The following SEMA3A variants were observed in gnomAD, a reference collection of about 807,000 sequenced individuals.
The protein encoded by SEMA3A is semaphorin-3A.
Under a neutral mutation model 97.9 loss-of-function variants are expected in SEMA3A, and 29 were observed. That is an observed-to-expected ratio of 0.30 (90% confidence interval 0.22 to 0.40). The LOEUF (loss-of-function observed/expected upper bound fraction) is 0.40. Among genes scored for constraint, SEMA3A ranks in the 10% least tolerant of loss-of-function variants. SEMA3A has a pLI of 1.00. For missense variants in SEMA3A, 763 were observed against 951.3 expected, an observed-to-expected ratio of 0.80 and a Z score of 2.60; for synonymous variants, 321 against 323.7, an observed-to-expected ratio of 0.99 and a Z score of 0.09.
chr7:84,010,970 A>T, intron 9 of SEMA3A, 52 bp downstream of exon 9: 2 of 1,344,092 alleles, frequency 1.5e-6, no homozygotes, highest in South Asian at 1.3e-5. Flanking sequence ...GAGTACTTGG[A>T]TAGCACCTAA....
At chr7:84,106,139 A>C (rs1004644032) in intron 4 of SEMA3A, among the ~76,000 whole-genome samples, 20 of 152,276 alleles carry the variant, frequency 1.3e-4, no homozygotes, top group Admixed American at 7.2e-4. Flanking sequence ...GGAATACGCT[A>C]TTCAGGAGTG....
At chr7:84,411,965 T>G (rs1251203385) in intron 1 of SEMA3A, among the ~76,000 whole-genome samples, 1 of 152,140 alleles carries the variant, frequency 6.6e-6, no homozygotes, top group Non-Finnish European at 1.5e-5. Context: ...GATTCAAATG[T>G]GCACTTATTT....
intron 12 of SEMA3A, among the ~76,000 whole-genome samples, chr7:83,997,606 A>G (rs1216630687): frequency 1.3e-5 from 2 of 152,206 alleles, no homozygotes; most frequent in Non-Finnish European, 1.5e-5. Flanking sequence ...GAGAACTGAA[A>G]TAGTTTTCTA....
intron 4 of SEMA3A, among the ~76,000 whole-genome samples, chr7:84,083,004 T>C (rs1794211210): frequency 6.6e-6 from 1 of 151,856 alleles, no homozygotes; most frequent in Non-Finnish European, 1.5e-5. Flanking sequence ...ATTTGAGTCA[T>C]TGGACATTTG....
chr7:84,152,889 T>C (rs74937330), intron 1 of SEMA3A, among the ~76,000 whole-genome samples: 2,549 of 152,208 alleles, frequency 0.017, 77 homozygotes, highest in African/African-American at 0.059. Context: ...GTAAAAAAGT[T>C]GTAAAAACTA....
At chr7:84,222,855 T>A (rs1798910272) in intron 3 of SEMA3A, among the ~76,000 whole-genome samples, 1 of 151,854 alleles carries the variant, frequency 6.6e-6, no homozygotes, top group Non-Finnish European at 1.5e-5. Flanking sequence ...AGGGAAGCTT[T>A]TGCAAAATAC....
chr7:84,410,132 A>T (rs1226668018), intron 1 of SEMA3A, among the ~76,000 whole-genome samples: 3 of 152,102 alleles, frequency 2.0e-5, no homozygotes, highest in Non-Finnish European at 2.9e-5. Context: ...TATAAGAATC[A>T]ACAAAAGTAA....
At chr7:84,055,352 C>T (rs543270953) in intron 5 of SEMA3A, among the ~76,000 whole-genome samples, 3 of 152,270 alleles carry the variant, frequency 2.0e-5, no homozygotes, top group African/African-American at 4.8e-5. Context: ...TAGCAATCAG[C>T]GAGACTCCGT....
intron 15 of SEMA3A, among the ~76,000 whole-genome samples, chr7:83,975,484 G>A (rs971040701): frequency 1.6e-4 from 25 of 152,014 alleles, no homozygotes; most frequent in African/African-American, 5.8e-4. Flanking sequence ...AAATCAAAAA[G>A]TGCTATTAGT....
In SEMA3A at chr7:84,437,796, C is replaced by A. The variant is rs914544979; in HGVS notation, c.-246+54664G>T. On this transcript the variant is annotated intron_variant, in intron 1 of 3. Coordinates refer to the SEMA3A transcript ENST00000424555. The stretch of plus-strand genomic sequence containing the variant: ...CAGAAAACTGTAATATGTAAATCTT[C>A]CAAAATATTTGCCATAATCAGTAGT... Among the ~76,000 whole-genome samples the A allele has an allele frequency of 2.0e-5, 3 of 151,766 alleles. No homozygotes were observed. In the South Asian group the frequency reaches 6.2e-4, roughly 31 times the overall value.
At chr7:84,057,669 G>A (rs1044917566) in intron 5 of SEMA3A, among the ~76,000 whole-genome samples, 2 of 151,948 alleles carry the variant, frequency 1.3e-5, no homozygotes, top group Non-Finnish European at 2.9e-5. Flanking sequence ...GGAGGCTGAG[G>A]TAGGAGAATT....
chr7:84,201,087 TAAGCAATA>T (rs1487132857), intron 3 of SEMA3A, among the ~76,000 whole-genome samples: 8 of 152,056 alleles, frequency 5.3e-5, no homozygotes, highest in Non-Finnish European at 1.0e-4. Flanking sequence ...GTGAAGAGAC[TAAGCAATA>T]TGGTTTAAAG....
intron 1 of SEMA3A, among the ~76,000 whole-genome samples, chr7:84,442,357 G>T (rs948804127): frequency 1.3e-5 from 2 of 152,026 alleles, no homozygotes; most frequent in South Asian, 4.1e-4. Context: ...TAAATAAGCA[G>T]AGAGTTTGTA....
chr7:84,230,497 C>T (rs1799093586), intron 3 of SEMA3A, among the ~76,000 whole-genome samples: 1 of 151,972 alleles, frequency 6.6e-6, no homozygotes, highest in South Asian at 2.1e-4. Context: ...AAGCACTCCT[C>T]TTTTATTGGT....
intron 6 of SEMA3A, among the ~76,000 whole-genome samples, chr7:84,032,007 T>A (rs551039913): frequency 4.3e-4 from 65 of 152,294 alleles, no homozygotes; most frequent in African/African-American, 1.5e-3. Flanking sequence ...ATCATAAAAC[T>A]TACTTTGTCA....
At chr7:83,962,578 CTG>C (rs1336133914) in intron 16 of SEMA3A, among the ~76,000 whole-genome samples, 1 of 152,118 alleles carries the variant, frequency 6.6e-6, no homozygotes, top group Admixed American at 6.6e-5. Flanking sequence ...ACTCAATAAT[CTG>C]TTTATGCTTA....
chr7:84,217,927 A>T (rs1798788005), intron 3 of SEMA3A, among the ~76,000 whole-genome samples: 1 of 152,068 alleles, frequency 6.6e-6, no homozygotes, highest in Non-Finnish European at 1.5e-5. Flanking sequence ...CAAAAAATTT[A>T]AAAAACATAT....
At chr7:84,411,749 T>C (rs1804275055) in intron 1 of SEMA3A, among the ~76,000 whole-genome samples, 1 of 152,082 alleles carries the variant, frequency 6.6e-6, no homozygotes, top group South Asian at 2.1e-4. Context: ...CCTGGCAACA[T>C]GAAACAGCTG....
intron 1 of SEMA3A, among the ~76,000 whole-genome samples, chr7:84,379,146 C>CTCGA (rs1260456372): frequency 5.9e-5 from 9 of 152,216 alleles, no homozygotes; most frequent in Admixed American, 5.9e-4. Context: ...CCAGGATAGT[C>CTCGA]TCGATCTCCT....
Sources: gnomAD v4.1 joint callset for allele counts (sites outside exome capture counted in the v4.1 genomes callset) on GRCh38, gnomAD v4.1.1 for gene constraint, MANE v1.5 for transcripts, NCBI Gene and HGNC (gene_info 2026-07-23, HGNC 2026-07-21) for gene names.